Variants in MAP3K2 observed in about 807,000 individuals in gnomAD.
The protein encoded by MAP3K2 is MAP/ERK kinase kinase 2.
Under a neutral mutation model 80.3 loss-of-function variants are expected in MAP3K2, and 24 were observed. The observed-to-expected ratio is 0.30, with a 90% CI of 0.22 to 0.42. The LOEUF (loss-of-function observed/expected upper bound fraction) is 0.42, where lower values mean the gene tolerates loss of function less well. MAP3K2 is among the 10% of genes least tolerant of loss of function. The pLI, the probability that MAP3K2 is intolerant of heterozygous loss-of-function variation, is 1.00. For synonymous variants in MAP3K2, 244 were observed against 253.7 expected (o/e 0.96, Z 0.36); for missense variants, 608 against 750.1 (o/e 0.81, Z 2.21).
At chr2:127,366,758 G>A (rs1686978305) in intron 1 of MAP3K2, among the ~76,000 whole-genome samples, 1 of 150,818 alleles carries the variant, frequency 6.6e-6, no homozygotes, top group Non-Finnish European at 1.5e-5. Flanking sequence ...TATTTTATTA[G>A]TCTTGGTTCT....
intron 15 of MAP3K2, among the ~76,000 whole-genome samples, 197 bp downstream of exon 15, chr2:127,314,557 C>T (rs900134895): frequency 2.6e-5 from 4 of 152,206 alleles, no homozygotes; most frequent in Admixed American, 2.6e-4. Context: ...TGAGCCCCCA[C>T]AGTAGAGCTA....
At chr2:127,317,597 A>C in intron 14 of MAP3K2, 32 bp downstream of exon 14, 2 of 1,482,032 alleles carry the variant, frequency 1.3e-6, no homozygotes, top group Non-Finnish European at 1.8e-6. Flanking sequence ...TTTAAATAGA[A>C]TGTGTATTTT....
chr2:127,341,517 G>GT (rs71336233), intron 2 of MAP3K2, among the ~76,000 whole-genome samples: 107,932 of 121,166 alleles, frequency 0.89, 48,094 homozygotes, highest in Admixed American at 0.94. Context: ...AGTACAATGG[G>GT]TTTTTTTTTG....
chr2:127,348,890 G>C (rs2104856861), intron 1 of MAP3K2, among the ~76,000 whole-genome samples: 1 of 152,194 alleles, frequency 6.6e-6, no homozygotes, highest in Non-Finnish European at 1.5e-5. Context: ...TTCGGGCTCA[G>C]TATTATCAGA....
intron 1 of MAP3K2, among the ~76,000 whole-genome samples, chr2:127,344,488 CAAA>C (rs10611311): frequency 0.024 from 3,065 of 129,096 alleles, 51 homozygotes; most frequent in African/African-American, 0.052. Flanking sequence ...CCATTTCCAC[CAAA>C]AAAAAAAAAA....
rs1243595944 is a variant in MAP3K2 at position 127,343,134 on chromosome 2, G to A, written c.-5C>T. 1.3e-6 allele frequency: 2 copies of A among 1,552,908 alleles called. No individual in the cohort carries two copies. The highest frequency in any genetic ancestry group is 1.2e-5 in the South Asian group (1 of 83,832). On this transcript the variant is annotated 5_prime_UTR_variant, in exon 2 of 17. Coordinates refer to ENST00000682094, the MANE Select transcript of MAP3K2 (RefSeq NM_001371910.2). ...TTTTAGTTTGAACTCACCCATTATG[G>A]CAAACAGCTCAACAATTTGAAAATT... is the stretch of plus-strand genomic sequence containing the variant.
chr2:127,385,259 A>C (rs1340383663), intron 1 of MAP3K2, among the ~76,000 whole-genome samples: 1 of 152,188 alleles, frequency 6.6e-6, no homozygotes, highest in Non-Finnish European at 1.5e-5. Flanking sequence ...CCCAAACTTC[A>C]ACAACCACCC....
intron 1 of MAP3K2, among the ~76,000 whole-genome samples, chr2:127,379,648 G>A (rs192816700): frequency 6.6e-6 from 1 of 152,246 alleles, no homozygotes; most frequent in African/African-American, 2.4e-5. Context: ...TACACAGCTG[G>A]TACTCAATGA....
At chr2:127,370,496 C>T (rs1239236170) in intron 1 of MAP3K2, among the ~76,000 whole-genome samples, 1 of 152,212 alleles carries the variant, frequency 6.6e-6, no homozygotes, top group African/African-American at 2.4e-5. Context: ...GAGGGAATTG[C>T]TCAGGCTAGG....
chr2:127,367,416 A>C (rs1445550143), intron 1 of MAP3K2, among the ~76,000 whole-genome samples: 2 of 152,256 alleles, frequency 1.3e-5, no homozygotes, highest in Admixed American at 1.3e-4. Flanking sequence ...CATATGAAAC[A>C]TAATGTTGAT....
chr2:127,308,441 A>G, intron 16 of MAP3K2, 144 bp downstream of exon 16: 1 of 650,896 alleles, frequency 1.5e-6, no homozygotes, highest in Admixed American at 2.7e-5. Flanking sequence ...ATAAGGCACA[A>G]TTAATATAGT....
chr2:127,312,146 T>C (rs955377864), intron 15 of MAP3K2, among the ~76,000 whole-genome samples: 2 of 152,256 alleles, frequency 1.3e-5, no homozygotes, highest in Non-Finnish European at 2.9e-5. Flanking sequence ...CAGCTATTAA[T>C]GTTTAATGCA....
intron 9 of MAP3K2, 98 bp downstream of exon 9, chr2:127,325,630 G>T: frequency 4.5e-6 from 4 of 884,808 alleles, no homozygotes; most frequent in Non-Finnish European, 7.3e-6. Context: ...CAAGGCTGCA[G>T]TAAGCCGCAT....
intron 1 of MAP3K2, among the ~76,000 whole-genome samples, chr2:127,373,098 CCT>C (rs1175702050): frequency 6.6e-6 from 1 of 152,188 alleles, no homozygotes; most frequent in East Asian, 1.9e-4. Context: ...AGGCCAGCTC[CCT>C]GATTCCAATG....
intron 1 of MAP3K2, among the ~76,000 whole-genome samples, chr2:127,343,854 C>CA (rs1230083847): frequency 1.3e-5 from 2 of 151,742 alleles, no homozygotes; most frequent in East Asian, 3.9e-4. Context: ...CCCATCTATA[C>CA]AAAAAAATAC....
chr2:127,387,907 G>C lies in MAP3K2; in HGVS notation c.-521C>G. The C allele has an allele frequency of 1.0e-6, 1 of 982,014 alleles. No individual in the cohort carries two copies. The highest frequency in any genetic ancestry group is 1.2e-6 in the Non-Finnish European group (1 of 827,140). The allele number at this position is 982,014 out of a possible 1,614,324, so 60.8% of individuals were successfully genotyped here. A position where few individuals can be genotyped will look rare whatever the true frequency, so the allele number is the denominator to read the frequency against. The stretch of plus-strand genomic sequence containing the variant: ...CCCCCGAACGCTGCGCCCAGCGGCC[G>C]CGGCACCCTCGTCAGGCGCCGCCGC... On this transcript the variant is annotated 5_prime_UTR_variant, in exon 1 of 17. Transcript: ENST00000682094.
Position 127,305,211 on chromosome 2 carries a change from CA to C in MAP3K2, c.*2367del, listed in dbSNP as rs1262960744. The C allele has an allele frequency of 6.6e-6, 1 of 152,506 alleles. No individual in the cohort carries two copies. The highest frequency in any genetic ancestry group is 2.4e-5 in the African/African-American group (1 of 41,414). 9.4% of individuals were successfully genotyped at this position (152,506 alleles called of 1,614,324 possible). ...GAGCCAAAGGAAAAGCACAACTACACAAGACAGATATGAAGGAAAAGCCCAC... is the reference window on the plus strand; with the variant it reads ...GAGCCAAAGGAAAAGCACAACTACACAGACAGATATGAAGGAAAAGCCCAC... On this transcript the variant is annotated 3_prime_UTR_variant, in exon 17 of 17. Coordinates refer to ENST00000682094, the MANE Select transcript of MAP3K2 (RefSeq NM_001371910.2).
upstream of MAP3K2, chr2:127,388,215 C>A: frequency 1.0e-6 from 1 of 983,744 alleles, no homozygotes; most frequent in Non-Finnish European, 1.2e-6. Flanking sequence ...CCGGGGCAGC[C>A]TGTGCTGTTC....
intron 1 of MAP3K2, among the ~76,000 whole-genome samples, chr2:127,371,124 C>T (rs146330004): frequency 3.7e-4 from 57 of 152,310 alleles, no homozygotes; most frequent in African/African-American, 1.3e-3. Context: ...CATTTCCTTA[C>T]GAAAGGAATG....
Sources: gnomAD v4.1 joint callset for allele counts (sites outside exome capture counted in the v4.1 genomes callset) on GRCh38, gnomAD v4.1.1 for gene constraint, MANE v1.5 for transcripts, NCBI Gene and HGNC (gene_info 2026-07-23, HGNC 2026-07-21) for gene names.